Variants in CREB5 observed in about 807,000 individuals in gnomAD.
CREB5 encodes the protein cyclic AMP-responsive element-binding protein 5.
A neutral mutation model predicts 57.1 loss-of-function variants in CREB5; 19 were observed. The ratio of observed to expected loss-of-function variants is 0.33; its 90% confidence interval spans 0.23 to 0.49. The LOEUF is 0.49. CREB5 is among the 20% of genes least tolerant of loss of function. CREB5 has a pLI of 0.99. For missense variants in CREB5, 579 were observed against 671.6 expected (o/e 0.86, Z 1.52); for synonymous variants, 238 against 238.3 (o/e 1.00, Z 0.01).
chr7:28,562,679 T>A (rs145266352), intron 4 of CREB5, among the ~76,000 whole-genome samples: 2 of 152,224 alleles, frequency 1.3e-5, no homozygotes, highest in African/African-American at 4.8e-5. Flanking sequence ...CAGCATGACT[T>A]TTAGATAAGG....
chr7:28,580,419 T>TCCC (rs1277688248), intron 5 of CREB5, among the ~76,000 whole-genome samples: 1 of 79,234 alleles, frequency 1.3e-5, no homozygotes, highest in Non-Finnish European at 2.7e-5. Flanking sequence ...TTTGTCCCAA[T>TCCC]CCCCCCCCAC....
intron 1 of CREB5, among the ~76,000 whole-genome samples, chr7:28,471,823 T>C (rs1237936178): frequency 3.3e-5 from 5 of 152,112 alleles, no homozygotes; most frequent in Admixed American, 3.3e-4. Flanking sequence ...TCAATGTTCA[T>C]AATAGAAAAA....
chr7:28,503,389 C>A (rs1238591144), intron 3 of CREB5, among the ~76,000 whole-genome samples: 2 of 151,542 alleles, frequency 1.3e-5, no homozygotes, highest in Non-Finnish European at 2.9e-5. Flanking sequence ...TCTCTCCTAT[C>A]TTAAAGGAAC....
At chr7:28,500,942 G>A (rs1186097057) in intron 3 of CREB5, among the ~76,000 whole-genome samples, 1 of 152,112 alleles carries the variant, frequency 6.6e-6, no homozygotes, top group East Asian at 1.9e-4. Context: ...TGGAGCAGAG[G>A]GTGGGGGAGA....
At chr7:28,492,400 ACT>A (rs1791846171) in intron 2 of CREB5, among the ~76,000 whole-genome samples, 3 of 151,622 alleles carry the variant, frequency 2.0e-5, no homozygotes, top group South Asian at 4.2e-4. Flanking sequence ...TGTTAATTTC[ACT>A]CTCTCTTTGC....
chr7:28,625,117 C>T (rs758583241), intron 5 of CREB5, among the ~76,000 whole-genome samples: 18 of 151,938 alleles, frequency 1.2e-4, no homozygotes, highest in Admixed American at 3.9e-4. Flanking sequence ...TTATTAACCC[C>T]GTTCTACAGA....
intron 1 of CREB5, among the ~76,000 whole-genome samples, chr7:28,427,430 A>C (rs1788552685): frequency 6.6e-6 from 1 of 152,170 alleles, no homozygotes; most frequent in South Asian, 2.1e-4. Flanking sequence ...ATTCTAAAAA[A>C]CACATGACCA....
At chr7:28,359,071 A>G (rs1786405595) in intron 1 of CREB5, among the ~76,000 whole-genome samples, 1 of 152,170 alleles carries the variant, frequency 6.6e-6, no homozygotes, top group African/African-American at 2.4e-5. Context: ...TTGATCAATG[A>G]ATTTATTCCC....
intron 1 of CREB5, among the ~76,000 whole-genome samples, chr7:28,427,462 T>C (rs1421976173): frequency 6.6e-6 from 1 of 152,220 alleles, no homozygotes; most frequent in Non-Finnish European, 1.5e-5. Context: ...GAGAAATGTA[T>C]ACTCTGACGA....
At chr7:28,525,151 G>A (rs160345) in intron 4 of CREB5, among the ~76,000 whole-genome samples, 85,144 of 152,060 alleles carry the variant, frequency 0.56, 25,401 homozygotes, top group East Asian at 0.72. Context: ...TGCTGTAAAT[G>A]ACAGGATTTC....
intron 7 of CREB5, among the ~76,000 whole-genome samples, chr7:28,729,366 G>A (rs1006662046): frequency 7.2e-5 from 11 of 152,240 alleles, no homozygotes; most frequent in South Asian, 2.1e-4. Context: ...TGCTTCTGTC[G>A]GCTCGTGGTT....
intron 4 of CREB5, among the ~76,000 whole-genome samples, chr7:28,516,198 C>T (rs994143848): frequency 9.2e-5 from 14 of 151,680 alleles, no homozygotes; most frequent in Non-Finnish European, 1.8e-4. Flanking sequence ...AGTGACAGAG[C>T]GACACCTTGT....
chr7:28,603,052 A>G (rs1348254903), intron 5 of CREB5, among the ~76,000 whole-genome samples: 1 of 152,202 alleles, frequency 6.6e-6, no homozygotes, highest in Non-Finnish European at 1.5e-5. Context: ...AAGTTACAAG[A>G]ATTAAGGATT....
At chr7:28,484,187 C>A (rs1389281329) in intron 1 of CREB5, among the ~76,000 whole-genome samples, 2 of 152,134 alleles carry the variant, frequency 1.3e-5, no homozygotes, top group Non-Finnish European at 2.9e-5. Flanking sequence ...TCGTTCAAAT[C>A]CTGTCTGAGT....
At chr7:28,817,382 G>A (rs1809498644) in intron 9 of CREB5, among the ~76,000 whole-genome samples, 1 of 152,108 alleles carries the variant, frequency 6.6e-6, no homozygotes, top group Non-Finnish European at 1.5e-5. Context: ...GGAGATGGTG[G>A]GGAGAGCAGG....
intron 4 of CREB5, among the ~76,000 whole-genome samples, chr7:28,523,468 A>G (rs981970093): frequency 1.8e-4 from 28 of 152,168 alleles, no homozygotes; most frequent in African/African-American, 6.8e-4. Context: ...TGCTAGTGAT[A>G]TAAAGGAAAG....
intron 5 of CREB5, among the ~76,000 whole-genome samples, chr7:28,645,973 G>C (rs919758633): frequency 2.6e-5 from 4 of 152,146 alleles, no homozygotes; most frequent in African/African-American, 9.7e-5. Flanking sequence ...ATCTTCTCCT[G>C]CCCTCAGACA....
At chr7:28,410,696 AT>A (rs1312755806), upstream of CREB5, 1 of 380,408 alleles carries the variant, frequency 2.6e-6, no homozygotes, top group Non-Finnish European at 5.3e-6. Flanking sequence ...TTTGATTTTT[AT>A]TTTTCCCTCC....
At chr7:28,760,624 T>TGAA (rs1368260791) in intron 7 of CREB5, among the ~76,000 whole-genome samples, 5 of 152,192 alleles carry the variant, frequency 3.3e-5, no homozygotes, top group African/African-American at 9.6e-5. Context: ...AACCTATTTA[T>TGAA]GAAGAAATAT....
Sources: gnomAD v4.1 joint callset for allele counts (sites outside exome capture counted in the v4.1 genomes callset) on GRCh38, gnomAD v4.1.1 for gene constraint, MANE v1.5 for transcripts, NCBI Gene and HGNC (gene_info 2026-07-23, HGNC 2026-07-21) for gene names.